STK33: variants seen among roughly 807,000 people sequenced by gnomAD.
The protein encoded by STK33 is serine/threonine-protein kinase 33.
STK33 carries 52 observed loss-of-function variants against 58.0 expected under a neutral mutation model. The ratio of observed to expected loss-of-function variants is 0.90; its 90% confidence interval spans 0.72 to 1.13. STK33 has a LOEUF of 1.13. STK33 is among the 50% of genes most tolerant of loss of function. STK33 has a pLI of 0.00. For synonymous variants in STK33, 215 were observed against 200.1 expected (o/e 1.07, Z -0.63); for missense variants, 630 against 604.2 (o/e 1.04, Z -0.45).
At chr11:8,504,841 T>C (rs1053702035) in intron 1 of STK33, among the ~76,000 whole-genome samples, 2 of 152,140 alleles carry the variant, frequency 1.3e-5, no homozygotes, top group African/African-American at 4.8e-5. Flanking sequence ...TTATAATAAA[T>C]GATATAGGAA....
In STK33 at chr11:8,457,281, C is replaced by G. The variant is rs1234418967; in HGVS notation, c.697+60G>C. 35 of 1,409,580 alleles carry G rather than the reference C, an allele frequency of 2.5e-5. No homozygotes were observed. The Admixed American group carries it at 7.1e-4, about 29-fold the overall frequency. 87.3% of individuals were successfully genotyped at this position (1,409,580 alleles called of 1,614,324 possible). A position where few individuals can be genotyped will look rare whatever the true frequency, so the allele number is the denominator to read the frequency against. On this transcript the variant is annotated intron_variant, in intron 9 of 15. Coordinates refer to ENST00000687296, the MANE Select transcript of STK33 (RefSeq NM_001352389.2). ...ACTATGAATCTGGAATACAATTACC[C>G]TTAAACAAAAGTGACATTAGTATTC...
chr11:8,523,998 G>A (rs553847228), intron 1 of STK33, among the ~76,000 whole-genome samples: 2 of 152,336 alleles, frequency 1.3e-5, no homozygotes, highest in Non-Finnish European at 2.9e-5. Flanking sequence ...TTGGGATGCT[G>A]TTAATCTATA....
the STK33 span, among the ~76,000 whole-genome samples, chr11:8,358,958 T>C: frequency 6.6e-6 from 1 of 152,186 alleles, no homozygotes; most frequent in Non-Finnish European, 1.5e-5. Context: ...CAAAACCCTG[T>C]GCCTCCCGAC....
intron 1 of STK33, among the ~76,000 whole-genome samples, chr11:8,498,103 C>A (rs993649299): frequency 1.3e-5 from 2 of 152,058 alleles, no homozygotes; most frequent in African/African-American, 4.8e-5. Context: ...TAATCCAACA[C>A]ATTATTAATA....
rs185921486 is a variant in STK33, at chr11:8,499,377, T to A, written c.-465-18763A>T. ...AAATCAAAACCACAATGAGATACCA[T>A]CTCATGCCAGTTAGAATAGCGATCA... On this transcript the variant is annotated intron_variant, in intron 1 of 15. Transcript: ENST00000687296. Among the ~76,000 whole-genome samples, 263 of 152,170 alleles carry A rather than the reference T, an allele frequency of 1.7e-3. 1 individual carries two copies. The highest frequency in any genetic ancestry group is 6.1e-3 in the African/African-American group (254 of 41,496).
intron 1 of STK33, among the ~76,000 whole-genome samples, chr11:8,559,438 T>C (rs1191623268): frequency 6.6e-6 from 1 of 152,148 alleles, no homozygotes; most frequent in Non-Finnish European, 1.5e-5. Context: ...ATTAAGAAAA[T>C]ATAACCTCTA....
chr11:8,522,807 C>CG (rs1953599662), intron 1 of STK33, among the ~76,000 whole-genome samples: 1 of 152,150 alleles, frequency 6.6e-6, no homozygotes, highest in Admixed American at 6.5e-5. Context: ...CCCTCTCCCT[C>CG]GTCTCCCCTT....
At chr11:8,560,396 A>G (rs1261754923) in intron 1 of STK33, among the ~76,000 whole-genome samples, 2 of 152,062 alleles carry the variant, frequency 1.3e-5, no homozygotes, top group African/African-American at 4.8e-5. Flanking sequence ...ATATCTGTTC[A>G]TACTGATTTT....
intron 15 of STK33, among the ~76,000 whole-genome samples, chr11:8,409,686 C>T (rs375090939): frequency 2.8e-4 from 43 of 152,196 alleles, no homozygotes; most frequent in African/African-American, 9.6e-4. Flanking sequence ...AGTTTATTCC[C>T]ACACTTATAC....
intron 6 of STK33, among the ~76,000 whole-genome samples, chr11:8,468,596 T>C (rs1433542178): frequency 6.6e-6 from 1 of 152,204 alleles, no homozygotes; most frequent in East Asian, 1.9e-4. Context: ...TACAAACCTT[T>C]TGGCTTATTT....
At chr11:8,561,474 G>A (rs1957107377) in intron 1 of STK33, among the ~76,000 whole-genome samples, 1 of 151,894 alleles carries the variant, frequency 6.6e-6, no homozygotes, top group Admixed American at 6.6e-5. Flanking sequence ...TTTTAATCTT[G>A]AAGCACAAGT....
chr11:8,442,969 A>G (rs1591094360), intron 11 of STK33, among the ~76,000 whole-genome samples: 1 of 152,214 alleles, frequency 6.6e-6, no homozygotes, highest in Non-Finnish European at 1.5e-5. Context: ...ATTGACTGAA[A>G]GGGACACAAA....
intron 1 of STK33, among the ~76,000 whole-genome samples, chr11:8,542,341 T>C (rs1955585693): frequency 1.3e-5 from 2 of 152,182 alleles, no homozygotes; most frequent in South Asian, 2.1e-4. Flanking sequence ...ATGGAACATG[T>C]ACAAATCTGA....
chr11:8,520,429 G>A (rs913483872), intron 1 of STK33, among the ~76,000 whole-genome samples: 1 of 152,052 alleles, frequency 6.6e-6, no homozygotes, highest in Non-Finnish European at 1.5e-5. Flanking sequence ...TTTGAAAACT[G>A]GCACAAGACA....
intron 15 of STK33, among the ~76,000 whole-genome samples, chr11:8,408,793 G>A (rs755534291): frequency 1.3e-5 from 2 of 152,202 alleles, no homozygotes; most frequent in Non-Finnish European, 2.9e-5. Flanking sequence ...AGACACTTCA[G>A]GCTAAATCCA....
chr11:8,525,009 A>C (rs563138743), intron 1 of STK33, among the ~76,000 whole-genome samples: 1 of 152,270 alleles, frequency 6.6e-6, no homozygotes, highest in Admixed American at 6.5e-5. Context: ...TATGTCAACT[A>C]TACCTAAAAA....
intron 1 of STK33, among the ~76,000 whole-genome samples, chr11:8,547,868 T>C (rs1016586011): frequency 3.3e-5 from 5 of 151,950 alleles, no homozygotes; most frequent in Admixed American, 6.6e-5. Flanking sequence ...TGTAGGGACA[T>C]AGATGAAGCT....
chr11:8,443,069 T>A (rs1944972781), intron 11 of STK33, among the ~76,000 whole-genome samples: 2 of 152,184 alleles, frequency 1.3e-5, no homozygotes, highest in Non-Finnish European at 2.9e-5. Context: ...AAACTTAAAA[T>A]GTGTACATCC....
At chr11:8,553,600 T>A (rs972368786) in intron 1 of STK33, among the ~76,000 whole-genome samples, 2 of 152,024 alleles carry the variant, frequency 1.3e-5, no homozygotes, top group African/African-American at 4.8e-5. Flanking sequence ...AGCATAAAAA[T>A]AGACACACTG....
Sources: gnomAD v4.1 joint callset for allele counts (sites outside exome capture counted in the v4.1 genomes callset) on GRCh38, gnomAD v4.1.1 for gene constraint, MANE v1.5 for transcripts, NCBI Gene and HGNC (gene_info 2026-07-23, HGNC 2026-07-21) for gene names.